Variants in TMIGD3 observed in about 807,000 individuals in gnomAD.
TMIGD3 encodes AD026 protein (AD026).
Under a neutral mutation model 28.1 loss-of-function variants are expected in TMIGD3, and 21 were observed. The observed-to-expected ratio is 0.75, with a 90% confidence interval of 0.53 to 1.08. TMIGD3 has a LOEUF of 1.08. Among genes scored for constraint, TMIGD3 ranks in the 50% least tolerant of loss-of-function variants. The pLI is 0.00. For missense variants in TMIGD3, 416 were observed against 435.6 expected, an observed-to-expected ratio of 0.96 and a Z score of 0.40; for synonymous variants, 151 against 162.1, an observed-to-expected ratio of 0.93 and a Z score of 0.52.
intron 1 of TMIGD3, among the ~76,000 whole-genome samples, chr1:111,527,875 G>C (rs1238317141): frequency 2.0e-5 from 3 of 151,296 alleles, no homozygotes; most frequent in Non-Finnish European, 2.9e-5. Flanking sequence ...GAGGTTTAAG[G>C]GTTCTTTGTA....
intron 1 of TMIGD3, among the ~76,000 whole-genome samples, chr1:111,560,683 G>A (rs190266825): frequency 7.7e-4 from 117 of 152,040 alleles, no homozygotes; most frequent in Non-Finnish European, 1.9e-4. Flanking sequence ...GGAGAGACAG[G>A]GACCCACTTT....
chr1:111,542,227 G>C (rs1656858897), intron 1 of TMIGD3: 1 of 603,774 alleles, frequency 1.7e-6, no homozygotes, highest in African/African-American at 1.9e-5. Flanking sequence ...CATCCTTCGC[G>C]TACTGACGGA....
At chr1:111,504,696 G>A (rs775797527), upstream of TMIGD3, among the ~76,000 whole-genome samples, 12 of 152,184 alleles carry the variant, frequency 7.9e-5, no homozygotes, top group African/African-American at 9.7e-5. Flanking sequence ...CAACAATGGC[G>A]TTCTGGTGTT....
At chr1:111,537,288 A>C (rs1656670040) in intron 1 of TMIGD3, among the ~76,000 whole-genome samples, 1 of 152,190 alleles carries the variant, frequency 6.6e-6, no homozygotes, top group African/African-American at 2.4e-5. Flanking sequence ...GAGCTTTCTG[A>C]ACATAGGGAC....
chr1:111,486,296 T>C (rs1214923267), intron 4 of TMIGD3, among the ~76,000 whole-genome samples: 2 of 152,232 alleles, frequency 1.3e-5, no homozygotes, highest in Non-Finnish European at 2.9e-5. Context: ...GCCACATCCC[T>C]GCTCCTGCAT....
intron 3 of TMIGD3, among the ~76,000 whole-genome samples, chr1:111,487,557 G>T (rs1654444609): frequency 6.6e-6 from 1 of 151,814 alleles, no homozygotes; most frequent in East Asian, 1.9e-4. Context: ...TAAGTCCTCT[G>T]TCTGAGAGAC....
chr1:111,554,768 G>A lies in TMIGD3; in HGVS notation c.107+9078C>T, dbSNP rs370562341. Among the ~76,000 whole-genome samples, 13 of 152,150 alleles carry A rather than the reference G, an allele frequency of 8.5e-5. 1 individual carries two copies. Among genetic ancestry groups the A allele is most frequent in the East Asian group, 7.7e-4 (4 of 5,202 alleles). On this transcript the variant is annotated intron_variant, in intron 1 of 5. Coordinates refer to the TMIGD3 transcript ENST00000369717. The stretch of plus-strand genomic sequence containing the variant: ...CATTTCCTTCATGTTTCTTCAAAGT[G>A]ATTCAGGTTGGTAGACCCCAAGCCC...
intron 1 of TMIGD3, among the ~76,000 whole-genome samples, chr1:111,496,014 T>C (rs973684750): frequency 6.6e-6 from 1 of 151,248 alleles, no homozygotes; most frequent in Non-Finnish European, 1.5e-5. Flanking sequence ...GAGGATGGAG[T>C]GTGGGAGAAG....
chr1:111,537,438 T>C (rs1656674295), intron 1 of TMIGD3, among the ~76,000 whole-genome samples: 1 of 152,316 alleles, frequency 6.6e-6, no homozygotes, highest in South Asian at 2.1e-4. Flanking sequence ...GCATCTGACA[T>C]CAGGGCATCA....
intron 1 of TMIGD3, among the ~76,000 whole-genome samples, chr1:111,558,685 G>GT (rs1197308225): frequency 6.6e-6 from 1 of 152,088 alleles, no homozygotes; most frequent in Admixed American, 6.5e-5. Flanking sequence ...AACCATCAAT[G>GT]TTTTTATTTC....
chr1:111,509,581 T>C (rs894155204), intron 1 of TMIGD3, among the ~76,000 whole-genome samples: 2 of 152,164 alleles, frequency 1.3e-5, no homozygotes, highest in South Asian at 2.1e-4. Flanking sequence ...AGTAGGGCAA[T>C]GTCCTGGTCT....
At chr1:111,499,366 T>C (rs776847919) in intron 1 of TMIGD3, 34 of 968,110 alleles carry the variant, frequency 3.5e-5, no homozygotes, top group Non-Finnish European at 3.9e-5. Flanking sequence ...GCAAGCTTAG[T>C]GCCAAAGACA....
intron 1 of TMIGD3, chr1:111,499,328 T>C: frequency 1.5e-6 from 1 of 683,650 alleles, no homozygotes. Context: ...AGAAGGTGAG[T>C]ATGCCAACAC....
intron 1 of TMIGD3, chr1:111,500,852 G>A (rs968720152): frequency 1.4e-5 from 7 of 492,782 alleles, no homozygotes; most frequent in Non-Finnish European, 1.8e-5. Flanking sequence ...CTAGAGTCAA[G>A]TGCTTACGTG....
chr1:111,499,867 C>T, intron 1 of TMIGD3: 1 of 1,550,450 alleles, frequency 6.4e-7, no homozygotes, highest in Non-Finnish European at 8.7e-7. Context: ...GTAAAAATCC[C>T]TTGGCCCAGG....
At chr1:111,485,552 C>A in intron 5 of TMIGD3, 188 bp downstream of exon 5, 1 of 528,054 alleles carries the variant, frequency 1.9e-6, no homozygotes. Flanking sequence ...AGTGCTCCCT[C>A]TGTCACTTCT....
chr1:111,489,155 T>C (rs762521342), intron 2 of TMIGD3, 131 bp from the exon 3 acceptor site: 7 of 838,154 alleles, frequency 8.4e-6, no homozygotes, highest in Non-Finnish European at 1.3e-5. Context: ...CTCTTTTTGA[T>C]TGGCAACTAT....
At chr1:111,509,948 A>G (rs1178581727) in intron 1 of TMIGD3, among the ~76,000 whole-genome samples, 1 of 152,264 alleles carries the variant, frequency 6.6e-6, no homozygotes, top group Non-Finnish European at 1.5e-5. Flanking sequence ...CCTGAACCCA[A>G]GTCTATCTTG....
upstream of TMIGD3, chr1:111,504,190 T>C (rs1324166080): frequency 1.1e-6 from 1 of 929,060 alleles, no homozygotes; most frequent in Admixed American, 6.2e-5. Flanking sequence ...CTGAGAAGCA[T>C]CACACCTGCT....
Sources: gnomAD v4.1 joint callset for allele counts (sites outside exome capture counted in the v4.1 genomes callset) on GRCh38, gnomAD v4.1.1 for gene constraint, MANE v1.5 for transcripts, NCBI Gene and HGNC (gene_info 2026-07-23, HGNC 2026-07-21) for gene names.